The following RBFOX1 variants were observed in gnomAD, a reference collection of about 807,000 sequenced individuals.
RBFOX1 encodes the protein RNA binding protein fox-1 homolog 1.
In RBFOX1, 8 loss-of-function variants were observed where a neutral mutation model predicts 57.7. The observed-to-expected ratio is 0.14, with a 90% CI of 0.08 to 0.25. The LOEUF is 0.25. Ranked by LOEUF, RBFOX1 falls within the 10% of genes least tolerant of loss-of-function variation. The pLI, the probability that RBFOX1 is intolerant of heterozygous loss-of-function variation, is 1.00. For missense variants in RBFOX1, 611 were observed against 548.5 expected, an observed-to-expected ratio of 1.11 and a Z score of -1.14; for synonymous variants, 326 against 222.4, an observed-to-expected ratio of 1.47 and a Z score of -4.15.
At chr16:7,005,689 C>T (rs1467287642) in intron 3 of RBFOX1, among the ~76,000 whole-genome samples, 1 of 152,112 alleles carries the variant, frequency 6.6e-6, no homozygotes, top group African/African-American at 2.4e-5. Flanking sequence ...TCAGACAAGG[C>T]CATCTCAGGA....
chr16:6,698,993 G>T (rs146395088), intron 3 of RBFOX1, among the ~76,000 whole-genome samples: 86 of 152,310 alleles, frequency 5.6e-4, no homozygotes, highest in African/African-American at 1.9e-3. Flanking sequence ...TAAAGCTAGA[G>T]AATGTGGCGT....
intron 1 of RBFOX1, among the ~76,000 whole-genome samples, chr16:5,463,204 A>G (rs1256881453): frequency 6.6e-6 from 1 of 152,148 alleles, no homozygotes; most frequent in African/African-American, 2.4e-5. Flanking sequence ...TTATAATTCA[A>G]AGAGGATTGG....
At chr16:6,212,338 A>G (rs1304932991) in intron 1 of RBFOX1, among the ~76,000 whole-genome samples, 1 of 151,582 alleles carries the variant, frequency 6.6e-6, no homozygotes, top group African/African-American at 2.4e-5. Context: ...TTTTTAAAAT[A>G]TGCAATACAT....
rs557019296 is a variant in RBFOX1, at chr16:6,957,044, A to G, written c.-15-95013A>G. Among the ~76,000 whole-genome samples the G allele has an allele frequency of 2.9e-3, 443 of 151,194 alleles. 1 individual carries two copies. Among genetic ancestry groups the G allele is most frequent in the African/African-American group, 0.01 (422 of 40,504 alleles). On this transcript the variant is annotated intron_variant, in intron 3 of 15. Coordinates refer to ENST00000550418, the MANE Select transcript of RBFOX1 (RefSeq NM_018723.4). ...AGAAATAAAAGAATAGGCATATTCC[A>G]TCGGCAGAGCAGCCCAAGGGCTGCT...
chr16:5,607,249 CA>C (rs1260781392), intron 3 of RBFOX1, among the ~76,000 whole-genome samples: 1 of 152,212 alleles, frequency 6.6e-6, no homozygotes, highest in Non-Finnish European at 1.5e-5. Context: ...AGCAGGAGGA[CA>C]AAGCTGATAC....
intron 3 of RBFOX1, among the ~76,000 whole-genome samples, chr16:6,726,360 T>TA (rs1314152998): frequency 1.3e-5 from 2 of 151,520 alleles, no homozygotes; most frequent in African/African-American, 2.4e-5. Context: ...TTTGCATTTG[T>TA]AAAAAAATAA....
chr16:6,909,299 C>T (rs562766666), intron 3 of RBFOX1, among the ~76,000 whole-genome samples: 2 of 152,286 alleles, frequency 1.3e-5, no homozygotes, highest in South Asian at 4.1e-4. Context: ...CCCTGGCTTC[C>T]AGCATCACAT....
chr16:6,777,861 A>G (rs2079642140), intron 3 of RBFOX1, among the ~76,000 whole-genome samples: 1 of 152,152 alleles, frequency 6.6e-6, no homozygotes, highest in East Asian at 1.9e-4. Flanking sequence ...TATTCCTCAG[A>G]GGTGTCAGAG....
At chr16:6,887,449 C>T (rs1380913938) in intron 3 of RBFOX1, among the ~76,000 whole-genome samples, 1 of 152,134 alleles carries the variant, frequency 6.6e-6, no homozygotes, top group Non-Finnish European at 1.5e-5. Flanking sequence ...AACTAATGAT[C>T]ATTTTCTAAA....
intron 3 of RBFOX1, among the ~76,000 whole-genome samples, chr16:5,820,859 A>G (rs1351593708): frequency 6.6e-6 from 1 of 152,008 alleles, no homozygotes; most frequent in Non-Finnish European, 1.5e-5. Flanking sequence ...TTTCATCTCA[A>G]TTTCGGGAAG....
chr16:6,832,928 C>A (rs901922432), intron 3 of RBFOX1, among the ~76,000 whole-genome samples: 10 of 152,176 alleles, frequency 6.6e-5, no homozygotes, highest in African/African-American at 2.4e-4. Context: ...AGCTTTCAAT[C>A]TCTGGGGAGA....
At chr16:5,734,285 C>A (rs1047720451) in intron 3 of RBFOX1, among the ~76,000 whole-genome samples, 1 of 151,764 alleles carries the variant, frequency 6.6e-6, no homozygotes, top group African/African-American at 2.4e-5. Flanking sequence ...GCAACAGAGA[C>A]CCCACGTCTA....
At chr16:6,698,633 G>T (rs572653068) in intron 3 of RBFOX1, among the ~76,000 whole-genome samples, 68 of 152,220 alleles carry the variant, frequency 4.5e-4, no homozygotes, top group African/African-American at 1.6e-3. Flanking sequence ...GTTATTCACC[G>T]AGGCAGACGT....
chr16:6,199,883 A>G (rs1405263167), intron 1 of RBFOX1, among the ~76,000 whole-genome samples: 3 of 152,222 alleles, frequency 2.0e-5, no homozygotes, highest in Non-Finnish European at 4.4e-5. Flanking sequence ...GAAGACTAGA[A>G]GAAAAACACA....
At chr16:5,731,302 CCAT>C (rs1163354953) in intron 3 of RBFOX1, among the ~76,000 whole-genome samples, 1 of 152,098 alleles carries the variant, frequency 6.6e-6, no homozygotes, top group African/African-American at 2.4e-5. Context: ...ACCACCACCA[CCAT>C]CATCATCACT....
At chr16:6,882,087 A>G (rs146822613) in intron 3 of RBFOX1, among the ~76,000 whole-genome samples, 2 of 152,138 alleles carry the variant, frequency 1.3e-5, no homozygotes, top group Admixed American at 6.5e-5. Context: ...GTGGCCCCCT[A>G]TTCCCTGCAG....
At chr16:5,301,382 G>A (rs1165675736) in intron 1 of RBFOX1, among the ~76,000 whole-genome samples, 4 of 152,052 alleles carry the variant, frequency 2.6e-5, no homozygotes, top group Non-Finnish European at 5.9e-5. Context: ...CCCTTTGGGA[G>A]GCCAAGACGG....
intron 2 of RBFOX1, among the ~76,000 whole-genome samples, chr16:6,455,912 A>T (rs1404097454): frequency 6.6e-6 from 1 of 152,202 alleles, no homozygotes; most frequent in East Asian, 1.9e-4. Flanking sequence ...GTAAGAAAAT[A>T]TTCACAGAAA....
At chr16:7,700,977 C>T (rs367804722) in intron 14 of RBFOX1, among the ~76,000 whole-genome samples, 1 of 151,916 alleles carries the variant, frequency 6.6e-6, no homozygotes, top group African/African-American at 2.4e-5. Context: ...TGATGTATGA[C>T]AGGTATCCAT....
Sources: gnomAD v4.1 joint callset for allele counts (sites outside exome capture counted in the v4.1 genomes callset) on GRCh38, gnomAD v4.1.1 for gene constraint, MANE v1.5 for transcripts, NCBI Gene and HGNC (gene_info 2026-07-23, HGNC 2026-07-21) for gene names.